The following PAK1 variants were observed in gnomAD, a reference collection of about 807,000 sequenced individuals.
PAK1 encodes the protein serine/threonine-protein kinase PAK 1.
Under a neutral mutation model 67.4 loss-of-function variants are expected in PAK1, and 29 were observed. That is an observed-to-expected ratio of 0.43 (90% CI 0.32 to 0.59). PAK1 has a LOEUF of 0.59. Ranked by LOEUF, PAK1 falls within the 20% of genes least tolerant of loss-of-function variation. The pLI is 0.07. For missense variants in PAK1, 337 were observed against 670.7 expected, an observed-to-expected ratio of 0.50 and a Z score of 5.50; for synonymous variants, 223 against 237.4, an observed-to-expected ratio of 0.94 and a Z score of 0.56.
intron 2 of PAK1, among the ~76,000 whole-genome samples, chr11:77,389,510 CCTCA>C (rs1404280607): frequency 3.3e-5 from 5 of 152,190 alleles, no homozygotes; most frequent in African/African-American, 9.7e-5. Flanking sequence ...TTCTCCACAT[CCTCA>C]CTAACACTTG....
chr11:77,353,690 G>A (rs1945598938), intron 7 of PAK1, 91 bp from the exon 8 acceptor site: 3 of 1,011,344 alleles, frequency 3.0e-6, no homozygotes, highest in African/African-American at 1.6e-5. Flanking sequence ...AGCTGGCAAG[G>A]GTTAAAGAAC....
At chr11:77,348,621 T>C (rs1944781728) in intron 9 of PAK1, among the ~76,000 whole-genome samples, 1 of 152,214 alleles carries the variant, frequency 6.6e-6, no homozygotes, top group South Asian at 2.1e-4. Flanking sequence ...AATCAGGCAG[T>C]ATCCAATTTC....
At chr11:77,494,646 T>C in the PAK1 span, among the ~76,000 whole-genome samples, 1 of 149,146 alleles carries the variant, frequency 6.7e-6, no homozygotes, top group Non-Finnish European at 1.5e-5. Flanking sequence ...GTGGAGAAAC[T>C]GGAATCCTTG....
At chr11:77,396,761 T>C (rs1204427416) in intron 1 of PAK1, among the ~76,000 whole-genome samples, 1 of 152,098 alleles carries the variant, frequency 6.6e-6, no homozygotes, top group Admixed American at 6.5e-5. Flanking sequence ...TTGTGCTTTC[T>C]TAATCACTTC....
At chr11:77,353,487 C>T (rs1203120593) in intron 8 of PAK1, 49 bp downstream of exon 8, 3 of 1,349,578 alleles carry the variant, frequency 2.2e-6, no homozygotes, top group Admixed American at 1.7e-5. Context: ...TATGCCGGCA[C>T]ACACACTTTA....
At chr11:77,377,650 A>G (rs1949274094) in intron 4 of PAK1, among the ~76,000 whole-genome samples, 1 of 152,192 alleles carries the variant, frequency 6.6e-6, no homozygotes, top group African/African-American at 2.4e-5. Flanking sequence ...AATTCCAAAT[A>G]TATGCAAACC....
intron 1 of PAK1, among the ~76,000 whole-genome samples, chr11:77,447,551 G>A (rs1294949382): frequency 6.7e-6 from 1 of 150,202 alleles, no homozygotes; most frequent in African/African-American, 2.4e-5. Context: ...TTTTTTTTCA[G>A]GGGAAGTCTC....
At chr11:77,345,850 C>T (rs536759765) in intron 9 of PAK1, among the ~76,000 whole-genome samples, 6 of 152,198 alleles carry the variant, frequency 3.9e-5, no homozygotes, top group Non-Finnish European at 7.3e-5. Context: ...TTTTGAGTTA[C>T]TCATGCCATC....
the PAK1 span, among the ~76,000 whole-genome samples, chr11:77,511,190 C>A: frequency 6.6e-6 from 1 of 152,128 alleles, no homozygotes; most frequent in African/African-American, 2.4e-5. Flanking sequence ...AACCTGACAG[C>A]TCTGCACACA....
In PAK1 at chr11:77,444,884, A is replaced by C. The variant is rs540207561; in HGVS notation, c.-22+28668T>G. 2.0e-5 allele frequency among the ~76,000 whole-genome samples: 3 copies of C among 152,106 alleles called. No individual in the cohort carries two copies. In the East Asian group the frequency reaches 5.8e-4, roughly 29 times the overall value. On this transcript the variant is annotated intron_variant, in intron 1 of 14. Transcript: ENST00000356341. ...ATACTGCAAGGACTTATCCCACAAT[A>C]TCTCTACTTCTCTCTGCTAATCCAA...
At chr11:77,518,873 A>G in the PAK1 span, among the ~76,000 whole-genome samples, 1 of 152,220 alleles carries the variant, frequency 6.6e-6, no homozygotes, top group African/African-American at 2.4e-5. Flanking sequence ...ACAGTTTAAA[A>G]TAAACAAAAT....
At chr11:77,413,918 T>C (rs1378802012) in intron 1 of PAK1, among the ~76,000 whole-genome samples, 2 of 152,142 alleles carry the variant, frequency 1.3e-5, no homozygotes, top group East Asian at 3.8e-4. Flanking sequence ...TTCAAACTAA[T>C]AAGCAATAAT....
chr11:77,385,813 G>A (rs574614522), intron 2 of PAK1, among the ~76,000 whole-genome samples: 23 of 152,138 alleles, frequency 1.5e-4, no homozygotes, highest in South Asian at 2.1e-4. Flanking sequence ...AGCTGAGATC[G>A]CGCCACTGCA....
chr11:77,443,922 G>A (rs1472084144), intron 1 of PAK1, among the ~76,000 whole-genome samples: 1 of 152,154 alleles, frequency 6.6e-6, no homozygotes, highest in Non-Finnish European at 1.5e-5. Context: ...CACATTTACA[G>A]TATATAGTAT....
At chr11:77,366,288 G>A (rs1366816089) in intron 5 of PAK1, among the ~76,000 whole-genome samples, 1 of 152,178 alleles carries the variant, frequency 6.6e-6, no homozygotes, top group Admixed American at 6.5e-5. Context: ...AGAGGAAACG[G>A]TAAATATGTA....
chr11:77,453,367 A>AT (rs1379358057), intron 1 of PAK1, among the ~76,000 whole-genome samples: 4 of 151,992 alleles, frequency 2.6e-5, no homozygotes, highest in Non-Finnish European at 4.4e-5. Context: ...GAAAAAAAAA[A>AT]ATTTTTTTGG....
the PAK1 span, among the ~76,000 whole-genome samples, chr11:77,525,748 A>G: frequency 2.6e-5 from 4 of 152,214 alleles, no homozygotes; most frequent in African/African-American, 9.6e-5. Flanking sequence ...CCTGGGACCA[A>G]TTGTACACCA....
intron 1 of PAK1, among the ~76,000 whole-genome samples, chr11:77,404,336 C>T (rs1271648150): frequency 2.0e-5 from 3 of 151,654 alleles, no homozygotes; most frequent in East Asian, 3.9e-4. Context: ...GGCGCAATCT[C>T]GGCTCACTGC....
intron 1 of PAK1, among the ~76,000 whole-genome samples, chr11:77,398,346 A>G (rs1443610355): frequency 2.0e-5 from 3 of 152,210 alleles, no homozygotes; most frequent in Non-Finnish European, 4.4e-5. Flanking sequence ...TCCCACAAAT[A>G]AGTGAGAACA....
Sources: gnomAD v4.1 joint callset for allele counts (sites outside exome capture counted in the v4.1 genomes callset) on GRCh38, gnomAD v4.1.1 for gene constraint, MANE v1.5 for transcripts, NCBI Gene and HGNC (gene_info 2026-07-23, HGNC 2026-07-21) for gene names.